The following PSPC1 variants were observed in gnomAD, a reference collection of about 807,000 sequenced individuals.
PSPC1 encodes the protein paraspeckle component 1.
Under a neutral mutation model 51.6 loss-of-function variants are expected in PSPC1, and 14 were observed. The observed-to-expected ratio is 0.27, with a 90% CI of 0.18 to 0.42. The LOEUF (loss-of-function observed/expected upper bound fraction) is 0.42, where lower values mean the gene tolerates loss of function less well. Ranked by LOEUF, PSPC1 falls within the 10% of genes least tolerant of loss-of-function variation. The pLI, the probability that PSPC1 is intolerant of heterozygous loss-of-function variation, is 1.00. For missense variants in PSPC1, 406 were observed against 701.1 expected (o/e 0.58, Z 4.75); for synonymous variants, 193 against 231.9 (o/e 0.83, Z 1.53).
chr13:19,692,464 G>A (rs1878683825), intron 6 of PSPC1, among the ~76,000 whole-genome samples: 1 of 152,280 alleles, frequency 6.6e-6, no homozygotes. Flanking sequence ...AGTTGCAAGA[G>A]CAAAAGTAAA....
intron 6 of PSPC1, among the ~76,000 whole-genome samples, chr13:19,711,677 CTAA>C (rs1042490558): frequency 7.2e-6 from 1 of 139,578 alleles, no homozygotes; most frequent in African/African-American, 2.6e-5. Flanking sequence ...CCCATCTCTA[CTAA>C]TAATACAAAA....
intron 6 of PSPC1, among the ~76,000 whole-genome samples, chr13:19,719,776 A>G (rs1408485905): frequency 1.3e-5 from 2 of 152,232 alleles, no homozygotes; most frequent in Non-Finnish European, 2.9e-5. Flanking sequence ...AAATGTAAAC[A>G]CAATCTAGCA....
chr13:19,765,304 C>A (rs760854122), intron 2 of PSPC1, among the ~76,000 whole-genome samples: 4 of 149,434 alleles, frequency 2.7e-5, no homozygotes, highest in African/African-American at 4.9e-5. Flanking sequence ...CCCTGGGTGA[C>A]AGAATGAGAG....
At chr13:19,673,086 C>CGTAT (rs1188512547), downstream of PSPC1, 2 of 432,126 alleles carry the variant, frequency 4.6e-6, no homozygotes, top group African/African-American at 4.4e-5. Flanking sequence ...GGAACCTATA[C>CGTAT]GGTTTTTTTT....
rs886941288 is a variant in PSPC1 at position 19,710,659 on chromosome 13, T to G, written c.1159-1060A>C. Among the ~76,000 whole-genome samples, 4 of 152,162 alleles carry G rather than the reference T, an allele frequency of 2.6e-5. No individual in the cohort carries two copies. In the East Asian group the frequency reaches 5.8e-4, roughly 22 times the overall value. On this transcript the variant is annotated intron_variant, in intron 6 of 8. Coordinates refer to ENST00000338910, the MANE Select transcript of PSPC1 (RefSeq NM_001354909.2). ...GCCTATGATGGAAACGTAATTGCCATTAAGCCACAAGTGGCTCCTTAAAAA... is the reference window on the plus strand; with the variant it reads ...GCCTATGATGGAAACGTAATTGCCAGTAAGCCACAAGTGGCTCCTTAAAAA...
At chr13:19,742,273 A>C (rs530872510) in intron 4 of PSPC1, among the ~76,000 whole-genome samples, 88 of 151,754 alleles carry the variant, frequency 5.8e-4, no homozygotes, top group African/African-American at 1.7e-3. Flanking sequence ...AAAAAAAAAA[A>C]AAACAAACAA....
chr13:19,771,253 T>A (rs1224503285), intron 2 of PSPC1, among the ~76,000 whole-genome samples: 1 of 152,100 alleles, frequency 6.6e-6, no homozygotes, highest in Non-Finnish European at 1.5e-5. Context: ...TTCTGGTGAC[T>A]CACCCTCCCA....
At chr13:19,778,145 G>A (rs569689031) in intron 1 of PSPC1, among the ~76,000 whole-genome samples, 1 of 151,862 alleles carries the variant, frequency 6.6e-6, no homozygotes, top group Non-Finnish European at 1.5e-5. Flanking sequence ...CAGAGGCTGA[G>A]GCAGGAGAAT....
downstream of PSPC1, chr13:19,673,088 GTTTTTTTTTGTTT>G (rs377547462): frequency 3.8e-3 from 1,104 of 292,990 alleles, 16 homozygotes; most frequent in African/African-American, 0.04. Flanking sequence ...AACCTATACG[GTTTTTTTTTGTTT>G]TTTTTTTTTG....
chr13:19,716,893 T>A lies in PSPC1; in HGVS notation c.1159-7294A>T, dbSNP rs1027553156. On this transcript the variant is annotated intron_variant, in intron 6 of 8. Transcript: ENST00000338910. Reference sequence around the variant, plus strand: ...CCAATTAAACTTTCATGAGAAAGATTAAATAAGAACTGTTGGCCAGGCGCG... The same window carrying A: ...CCAATTAAACTTTCATGAGAAAGATAAAATAAGAACTGTTGGCCAGGCGCG... 3.9e-5 allele frequency among the ~76,000 whole-genome samples: 6 copies of A among 151,976 alleles called. No homozygotes were observed. The East Asian group carries it at 1.2e-3, about 29-fold the overall frequency.
rs1488223544 is a variant in PSPC1, at chr13:19,768,033, C to T, written c.674+4209G>A. On this transcript the variant is annotated intron_variant, in intron 2 of 8. Coordinates refer to ENST00000338910, the MANE Select transcript of PSPC1 (RefSeq NM_001354909.2). ...AGGAGTTAGGGACCAGCCTGGGTGACATAGCAAGACCTCATATCTACTTTA... is the reference window on the plus strand; with the variant it reads ...AGGAGTTAGGGACCAGCCTGGGTGATATAGCAAGACCTCATATCTACTTTA... Among the ~76,000 whole-genome samples the T allele has an allele frequency of 2.6e-5, 4 of 151,726 alleles. No homozygotes were observed. In the East Asian group the frequency reaches 7.8e-4, roughly 30 times the overall value.
intron 2 of PSPC1, among the ~76,000 whole-genome samples, chr13:19,770,053 A>C (rs1212403618): frequency 1.2e-5 from 1 of 81,968 alleles, no homozygotes; most frequent in Non-Finnish European, 3.6e-5. Context: ...CACGGACAAA[A>C]CATAGTTATG....
intron 5 of PSPC1, among the ~76,000 whole-genome samples, chr13:19,730,944 C>CAA (rs1883976939): frequency 2.3e-5 from 1 of 43,574 alleles, no homozygotes; most frequent in Non-Finnish European, 4.5e-5. Flanking sequence ...GACCCTGTCT[C>CAA]AGAAAAAAAA....
intron 6 of PSPC1, among the ~76,000 whole-genome samples, chr13:19,719,259 C>T (rs1286305015): frequency 6.6e-6 from 1 of 151,874 alleles, no homozygotes; most frequent in African/African-American, 2.4e-5. Flanking sequence ...TTGCTGTGGA[C>T]CTAAAGCTCT....
intron 7 of PSPC1, among the ~76,000 whole-genome samples, chr13:19,709,276 CT>C (rs1429436553): frequency 6.6e-6 from 1 of 152,014 alleles, no homozygotes; most frequent in Non-Finnish European, 1.5e-5. Context: ...GTATTGCAAC[CT>C]GGTTTATATG....
chr13:19,687,803 GGTATATA>G (rs1878094204), intron 6 of PSPC1, among the ~76,000 whole-genome samples: 1 of 151,952 alleles, frequency 6.6e-6, no homozygotes, highest in Non-Finnish European at 1.5e-5. Context: ...CCAATCCCTA[GGTATATA>G]GTGACTGCAA....
At chr13:19,677,642 C>A in intron 7 of PSPC1, 1 of 402,218 alleles carries the variant, frequency 2.5e-6, no homozygotes, top group Non-Finnish European at 4.9e-6. Context: ...GAATCAGAAT[C>A]AGGAAGAATT....
intron 2 of PSPC1, among the ~76,000 whole-genome samples, chr13:19,769,552 C>CA (rs1004813632): frequency 8.0e-5 from 12 of 149,392 alleles, no homozygotes; most frequent in Non-Finnish European, 1.0e-4. Context: ...GACTCCGTCT[C>CA]AAAAAAAAAC....
chr13:19,680,279 T>C (rs1305983736), intron 6 of PSPC1, among the ~76,000 whole-genome samples: 1 of 152,198 alleles, frequency 6.6e-6, no homozygotes, highest in Non-Finnish European at 1.5e-5. Flanking sequence ...CCTCCCAAAG[T>C]GCTGGGATTA....
Sources: gnomAD v4.1 joint callset for allele counts (sites outside exome capture counted in the v4.1 genomes callset) on GRCh38, gnomAD v4.1.1 for gene constraint, MANE v1.5 for transcripts, NCBI Gene and HGNC (gene_info 2026-07-23, HGNC 2026-07-21) for gene names.